The following LDAH variants were observed in gnomAD, a reference collection of about 807,000 sequenced individuals.
LDAH encodes the protein lipid droplet associated hydrolase.
A neutral mutation model predicts 29.6 loss-of-function variants in LDAH; 26 were observed. The observed-to-expected ratio is 0.88, with a 90% CI of 0.64 to 1.22. LDAH has a LOEUF of 1.22. LDAH is among the 50% of genes most tolerant of loss of function. The probability of loss-of-function intolerance (pLI) is 0.00; values close to 1 mark genes in which losing one functional copy is unlikely to be tolerated. For synonymous variants in LDAH, 117 were observed against 133.0 expected, an observed-to-expected ratio of 0.88 and a Z score of 0.83; for missense variants, 344 against 387.3, an observed-to-expected ratio of 0.89 and a Z score of 0.94.
intron 4 of LDAH, among the ~76,000 whole-genome samples, chr2:20,769,494 C>A (rs1415546166): frequency 6.6e-6 from 1 of 152,218 alleles, no homozygotes; most frequent in Non-Finnish European, 1.5e-5. Context: ...CTTACTTTGA[C>A]AGCAGACATG....
chr2:20,749,826 C>T (rs1667836465), intron 4 of LDAH, among the ~76,000 whole-genome samples: 1 of 152,058 alleles, frequency 6.6e-6, no homozygotes, highest in Non-Finnish European at 1.5e-5. Context: ...AGGATCTGTC[C>T]TGCTTAGTTC....
chr2:20,774,926 G>T lies in LDAH; in HGVS notation c.352C>A (p.His118Asn). Residue 118 changes from histidine to asparagine, a missense_variant, in exon 4 of 7, where the codon CAC becomes AAC. Physicochemically the swap from His to Asn is moderately conservative, Grantham distance 68 (BLOSUM62 1). Transcript: ENST00000237822. ...DIYGLNGQIE[H>N]KLAFLRTHVP... The stretch of plus-strand genomic sequence containing the variant: ...TGAGTTCTCAGGAAAGCTAGTTTGT[G>T]CTCTATTTGTCCATTTAGTCCATAA... The T allele has an allele frequency of 6.2e-7, 1 of 1,613,414 alleles. No individual in the cohort carries two copies. Among genetic ancestry groups the T allele is most frequent in the Non-Finnish European group, 8.5e-7 (1 of 1,179,816 alleles).
chr2:20,781,363 C>T (rs1353987595), intron 3 of LDAH, among the ~76,000 whole-genome samples: 1 of 152,168 alleles, frequency 6.6e-6, no homozygotes, highest in East Asian at 1.9e-4. Flanking sequence ...ATAATTTTAA[C>T]ATGTGCTAAT....
intron 5 of LDAH, among the ~76,000 whole-genome samples, chr2:20,715,219 T>G (rs533323822): frequency 2.0e-4 from 31 of 152,300 alleles, no homozygotes; most frequent in African/African-American, 7.5e-4. Flanking sequence ...CGCAAGGCTG[T>G]TTCAACATAT....
At chr2:20,796,021 G>A (rs992149232) in intron 2 of LDAH, among the ~76,000 whole-genome samples, 3 of 149,368 alleles carry the variant, frequency 2.0e-5, no homozygotes, top group African/African-American at 7.4e-5. Context: ...TAATGAGCAG[G>A]GCAAACATAA....
chr2:20,790,257 T>A lies in LDAH; in HGVS notation c.296A>T (p.Glu99Val). 6.2e-7 allele frequency: 1 copy of A among 1,614,080 alleles called. No homozygotes were observed. Among genetic ancestry groups the A allele is most frequent in the Non-Finnish European group, 8.5e-7 (1 of 1,179,978 alleles). The change falls in exon 3 of 7, where the codon GAG (glutamate) becomes GTG (valine). Residue 99 changes from glutamate to valine, a missense_variant and splice_region_variant. Coordinates refer to ENST00000237822, the MANE Select transcript of LDAH (RefSeq NM_021925.4). ...PKDKKILTTS[E>V]DSNAQEIKDI... Reference sequence around the variant, plus strand: ...AGTAGATATTAACAAGGACATACCCTCTGATGTTGTAAGAATCTTCTTGTC... The same window carrying A: ...AGTAGATATTAACAAGGACATACCCACTGATGTTGTAAGAATCTTCTTGTC...
At chr2:20,781,612 G>GGGCT (rs1670202467) in intron 3 of LDAH, among the ~76,000 whole-genome samples, 1 of 152,188 alleles carries the variant, frequency 6.6e-6, no homozygotes, top group African/African-American at 2.4e-5. Context: ...GCTGAATGGG[G>GGGCT]GGCTGGTCCA....
At chr2:20,702,017 C>T (rs1265022994) in intron 5 of LDAH, among the ~76,000 whole-genome samples, 1 of 150,784 alleles carries the variant, frequency 6.6e-6, no homozygotes, top group Non-Finnish European at 1.5e-5. Flanking sequence ...TCATGTATAC[C>T]AAGAAAATGC....
intron 5 of LDAH, among the ~76,000 whole-genome samples, chr2:20,709,688 C>T (rs1558398097): frequency 6.6e-6 from 1 of 152,134 alleles, no homozygotes; most frequent in East Asian, 1.9e-4. Context: ...CCACAAAAAA[C>T]TTGTACATGA....
intron 2 of LDAH, among the ~76,000 whole-genome samples, chr2:20,797,633 T>G (rs1403413414): frequency 6.6e-6 from 1 of 152,188 alleles, no homozygotes; most frequent in Non-Finnish European, 1.5e-5. Flanking sequence ...GCCCCAGCTC[T>G]GAGTGCAAAG....
intron 2 of LDAH, among the ~76,000 whole-genome samples, chr2:20,794,283 GC>G (rs1671164866): frequency 6.6e-6 from 1 of 152,092 alleles, no homozygotes; most frequent in Non-Finnish European, 1.5e-5. Flanking sequence ...CTCCCACTGA[GC>G]CCCTCCCACA....
intron 4 of LDAH, among the ~76,000 whole-genome samples, chr2:20,744,165 T>C (rs750404857): frequency 6.6e-6 from 1 of 152,004 alleles, no homozygotes; most frequent in Non-Finnish European, 1.5e-5. Context: ...AAATTCCTCA[T>C]CTGATAATTC....
chr2:20,788,485 G>C (rs1317316596), intron 3 of LDAH, among the ~76,000 whole-genome samples: 2 of 152,134 alleles, frequency 1.3e-5, no homozygotes, highest in Admixed American at 1.3e-4. Flanking sequence ...AGCCTTCAAA[G>C]AGTACAGGCT....
intron 5 of LDAH, among the ~76,000 whole-genome samples, chr2:20,707,499 T>C (rs1005133807): frequency 5.3e-5 from 8 of 152,260 alleles, no homozygotes; most frequent in African/African-American, 1.9e-4. Flanking sequence ...ATCAAGGAGA[T>C]AGAGGTGATA....
chr2:20,694,405 A>G (rs564776933), intron 6 of LDAH, among the ~76,000 whole-genome samples: 2 of 152,192 alleles, frequency 1.3e-5, no homozygotes, highest in African/African-American at 4.8e-5. Flanking sequence ...AAAAAATCTT[A>G]TCCCTGTTGG....
At chr2:20,720,757 T>C (rs1354914709) in intron 5 of LDAH, among the ~76,000 whole-genome samples, 1 of 152,028 alleles carries the variant, frequency 6.6e-6, no homozygotes, top group Admixed American at 6.6e-5. Context: ...CTATAGTAAT[T>C]AAATCAACAT....
chr2:20,769,045 G>A (rs1214283425), intron 4 of LDAH, among the ~76,000 whole-genome samples: 1 of 152,058 alleles, frequency 6.6e-6, no homozygotes, highest in East Asian at 1.9e-4. Flanking sequence ...TGAATCTCAT[G>A]CCCGATCGAC....
rs6715947 is a variant in LDAH at position 20,800,086 on chromosome 2, C to T, written c.154+1224G>A. ...GGAGAGGGAGAAGAAAAGTAGATCC[C>T]TTCCTCAGTGCCTGCCCTTAAAATC... On this transcript the variant is annotated intron_variant, in intron 2 of 6. Coordinates refer to ENST00000237822, the MANE Select transcript of LDAH (RefSeq NM_021925.4). Among the ~76,000 whole-genome samples, 949 of 152,298 alleles carry T rather than the reference C, an allele frequency of 6.2e-3. 12 individuals are homozygous for T. Among genetic ancestry groups the T allele is most frequent in the African/African-American group, 0.022 (921 of 41,568 alleles).
chr2:20,730,746 T>C lies in LDAH; in HGVS notation c.703+9225A>G, dbSNP rs1290283908. Among the ~76,000 whole-genome samples the C allele has an allele frequency of 4.6e-5, 7 of 152,302 alleles. No individual in the cohort carries two copies. The East Asian group carries it at 7.7e-4, about 17-fold the overall frequency. ...CTCCTTCTCCTTCTCCTTCTTCTTT[T>C]TTTCTTTTGGCCTAAGAAGAGCCAA... is the stretch of plus-strand genomic sequence containing the variant. On this transcript the variant is annotated intron_variant, in intron 5 of 6. Coordinates refer to ENST00000237822, the MANE Select transcript of LDAH (RefSeq NM_021925.4).
Sources: allele counts gnomAD v4.1 joint callset (sites outside exome capture counted in the v4.1 genomes callset), GRCh38; gene constraint gnomAD v4.1.1; transcripts MANE v1.5; gene names NCBI Gene and HGNC (gene_info 2026-07-23, HGNC 2026-07-21).